Variants in NEXMIF observed in about 807,000 individuals in gnomAD.
The protein encoded by NEXMIF is neurite extension and migration factor.
A neutral mutation model predicts 62.1 loss-of-function variants in NEXMIF; 8 were observed. That is an observed-to-expected ratio of 0.13 (90% CI 0.08 to 0.23). The LOEUF is 0.23. Among genes scored for constraint, NEXMIF ranks in the 10% least tolerant of loss-of-function variants. NEXMIF has a pLI of 1.00. For synonymous variants in NEXMIF, 404 were observed against 416.6 expected, an observed-to-expected ratio of 0.97 and a Z score of 0.37; for missense variants, 976 against 1,113.3, an observed-to-expected ratio of 0.88 and a Z score of 1.75.
At chrX:74,805,763 T>C (rs1169653119) in intron 1 of NEXMIF, among the ~76,000 whole-genome samples, 2 of 112,137 alleles carry the variant, frequency 1.8e-5, no homozygotes, top group Non-Finnish European at 3.8e-5. Flanking sequence ...CTTATTTTTG[T>C]CAACTTTGTC....
chrX:74,756,570 T>C (rs2080160059), intron 1 of NEXMIF, among the ~76,000 whole-genome samples: 1 of 111,232 alleles, frequency 9.0e-6, no homozygotes, highest in Non-Finnish European at 1.9e-5. Context: ...GAGTGGAATA[T>C]CAGAAAAGAA....
intron 1 of NEXMIF, among the ~76,000 whole-genome samples, chrX:74,820,563 A>T (rs2080391590): frequency 9.0e-6 from 1 of 111,665 alleles, no homozygotes; most frequent in Non-Finnish European, 1.9e-5. Context: ...GAGTATGTTC[A>T]TGATAGCACT....
intron 1 of NEXMIF, among the ~76,000 whole-genome samples, chrX:74,881,369 AAC>A (rs1293120174): frequency 2.0e-4 from 15 of 75,956 alleles, no homozygotes; most frequent in African/African-American, 8.9e-4. Flanking sequence ...GATAAATTCC[AAC>A]ACACACACAC....
chrX:74,811,396 A>C (rs973267680), intron 1 of NEXMIF, among the ~76,000 whole-genome samples: 2 of 112,198 alleles, frequency 1.8e-5, no homozygotes, highest in South Asian at 7.4e-4. Flanking sequence ...CCATAAGAAC[A>C]TAAGAAAACG....
chrX:74,740,405 C>T lies in NEXMIF; in HGVS notation c.4152G>A (p.Gly1384=). 1 of 1,210,862 alleles carries T rather than the reference C, an allele frequency of 8.3e-7. No individual in the cohort carries two copies. Among genetic ancestry groups the T allele is most frequent in the Non-Finnish European group, 1.1e-6 (1 of 894,930 alleles). ...PQESKKKINS[G]SQGATKNHRS... is the part of the protein sequence containing the mutation. Reference sequence around the variant, plus strand: ...TGTGATTCTTAGTGGCTCCTTGGGACCCACTGTTGATCTTTTTCTTAGACT... The same window carrying T: ...TGTGATTCTTAGTGGCTCCTTGGGATCCACTGTTGATCTTTTTCTTAGACT... The change falls in exon 3 of 4, where the codon GGG becomes GGA. Residue 1384 remains glycine, a synonymous_variant. Transcript: ENST00000055682.
chrX:74,818,318 G>A (rs1174649908), intron 1 of NEXMIF, among the ~76,000 whole-genome samples: 6 of 110,723 alleles, frequency 5.4e-5, no homozygotes, highest in African/African-American at 1.3e-4. Context: ...AAATAAAGCC[G>A]CACACCTACA....
At chrX:74,739,900 C>T in intron 3 of NEXMIF, 200 bp downstream of exon 3, 1 of 411,044 alleles carries the variant, frequency 2.4e-6, no homozygotes, top group Non-Finnish European at 4.2e-6. Context: ...ACAAAATTGC[C>T]CAATCTTTTG....
At chrX:74,823,689 G>A (rs373569019) in intron 1 of NEXMIF, among the ~76,000 whole-genome samples, 1 of 90,624 alleles carries the variant, frequency 1.1e-5, no homozygotes, top group African/African-American at 4.7e-5. Flanking sequence ...GAAAGAGACA[G>A]AGAAAGACAG....
intron 1 of NEXMIF, among the ~76,000 whole-genome samples, chrX:74,865,765 C>T (rs754933795): frequency 8.9e-6 from 1 of 112,106 alleles, no homozygotes; most frequent in South Asian, 3.7e-4. Context: ...TGGGCCATGG[C>T]TTCAGAGGGT....
chrX:74,905,104 C>G (rs1291179997), intron 1 of NEXMIF, among the ~76,000 whole-genome samples: 1 of 110,859 alleles, frequency 9.0e-6, no homozygotes, highest in Non-Finnish European at 1.9e-5. Context: ...GTCATCAGCT[C>G]CAGGGTACAG....
chrX:74,818,773 C>T (rs942552829), intron 1 of NEXMIF, among the ~76,000 whole-genome samples: 2 of 111,515 alleles, frequency 1.8e-5, no homozygotes, highest in African/African-American at 6.5e-5. Flanking sequence ...AAAAACAACC[C>T]CATTAAAAAG....
chrX:74,839,020 G>T (rs1471892764), intron 1 of NEXMIF, among the ~76,000 whole-genome samples: 1 of 111,419 alleles, frequency 9.0e-6, no homozygotes, highest in African/African-American at 3.3e-5. Flanking sequence ...AAGTTCAGTT[G>T]CCATTAAAAA....
intron 1 of NEXMIF, among the ~76,000 whole-genome samples, chrX:74,924,014 C>A (rs905511273): frequency 8.9e-6 from 1 of 111,792 alleles, no homozygotes; most frequent in Admixed American, 9.4e-5. Context: ...GACAGAAAAC[C>A]TTGCGCGGGT....
intron 1 of NEXMIF, among the ~76,000 whole-genome samples, chrX:74,888,531 G>A (rs988856226): frequency 4.6e-5 from 5 of 109,195 alleles, no homozygotes; most frequent in East Asian, 2.9e-4. Flanking sequence ...ATCACACACC[G>A]GGGCATGTTG....
intron 1 of NEXMIF, among the ~76,000 whole-genome samples, chrX:74,877,940 C>T (rs1304244718): frequency 8.9e-6 from 1 of 111,939 alleles, no homozygotes; most frequent in Non-Finnish European, 1.9e-5. Context: ...GTTTGAATGT[C>T]CTCCCCTGGC....
intron 1 of NEXMIF, among the ~76,000 whole-genome samples, chrX:74,753,377 C>T (rs1174894948): frequency 9.0e-6 from 1 of 111,614 alleles, no homozygotes; most frequent in Non-Finnish European, 1.9e-5. Context: ...GATTTGGTAA[C>T]ACATACACAT....
intron 1 of NEXMIF, among the ~76,000 whole-genome samples, chrX:74,911,449 C>G (rs770438507): frequency 9.0e-6 from 1 of 111,598 alleles, no homozygotes; most frequent in Non-Finnish European, 1.9e-5. Context: ...TCTTAAAAGA[C>G]AAAGTGACAA....
chrX:74,811,972 A>G lies in NEXMIF; in HGVS notation c.-47-66275T>C, dbSNP rs183232228. ...TTATTCCCATCTGAACATAAGAGGAAGAAAAGTCTAGCTTCAAAGAGAATA... is the reference window on the plus strand; with the variant it reads ...TTATTCCCATCTGAACATAAGAGGAGGAAAAGTCTAGCTTCAAAGAGAATA... On this transcript the variant is annotated intron_variant, in intron 1 of 3. Transcript: ENST00000055682. Among the ~76,000 whole-genome samples, 392 of 113,153 alleles carry G rather than the reference A, an allele frequency of 3.5e-3. 2 individuals carry two copies. The highest frequency in any genetic ancestry group is 0.012 in the African/African-American group (375 of 31,222).
rs1359821753 is a variant in NEXMIF, at chrX:74,796,186, T to C, written c.-47-50489A>G. Among the ~76,000 whole-genome samples, 8 of 71,969 alleles carry C rather than the reference T, an allele frequency of 1.1e-4. No homozygotes were observed. In the East Asian group the frequency reaches 2.8e-3, roughly 25 times the overall value. 62.5% of individuals were successfully genotyped at this position (71,969 alleles called of 115,157 possible). ...ATTATATATATTATATATATACATA[T>C]ATATTATATATATACATATATATTA... is the stretch of plus-strand genomic sequence containing the variant. On this transcript the variant is annotated intron_variant, in intron 1 of 3. Transcript: ENST00000055682.
Sources: allele counts gnomAD v4.1 joint callset (sites outside exome capture counted in the v4.1 genomes callset), GRCh38; gene constraint gnomAD v4.1.1; transcripts MANE v1.5; gene names NCBI Gene and HGNC (gene_info 2026-07-23, HGNC 2026-07-21).